PAAF1: variants seen among roughly 807,000 people sequenced by gnomAD.
PAAF1 encodes the protein proteasomal ATPase associated factor 1, also known as proteasomal ATPase-associated factor 1.
PAAF1 carries 46 observed loss-of-function variants against 52.8 expected under a neutral mutation model. The observed-to-expected ratio is 0.87, with a 90% CI of 0.69 to 1.11. PAAF1 has a LOEUF of 1.11. PAAF1 is among the 50% of genes most tolerant of loss of function. The probability of loss-of-function intolerance (pLI) is 0.00; values close to 1 mark genes in which losing one functional copy is unlikely to be tolerated. For missense variants in PAAF1, 424 were observed against 477.4 expected, an observed-to-expected ratio of 0.89 and a Z score of 1.04; for synonymous variants, 178 against 172.8, an observed-to-expected ratio of 1.03 and a Z score of -0.24.
intron 4 of PAAF1, among the ~76,000 whole-genome samples, chr11:73,894,047 C>G (rs918443673): frequency 6.6e-6 from 1 of 152,172 alleles, no homozygotes; most frequent in Non-Finnish European, 1.5e-5. Context: ...AAGCAGTCCT[C>G]TCTCCTTGGC....
chr11:73,907,952 G>A (rs868139991), intron 6 of PAAF1, among the ~76,000 whole-genome samples: 1 of 152,004 alleles, frequency 6.6e-6, no homozygotes, highest in Admixed American at 6.6e-5. Flanking sequence ...AGGACATGTG[G>A]GAGGCAATAA....
In PAAF1 at chr11:73,879,054, CTTAA is replaced by C. The variant is rs146429588; in HGVS notation, c.88+239_88+242del. 1,461 of 327,992 alleles carry C rather than the reference CTTAA, an allele frequency of 4.5e-3. 15 individuals carry two copies. The highest frequency in any genetic ancestry group is 0.024 in the African/African-American group (1,128 of 47,150). The allele number at this position is 327,992 out of a possible 1,614,324, so 20.3% of individuals were successfully genotyped here. On this transcript the variant is annotated intron_variant, in intron 2 of 11. Transcript: ENST00000310571. ...ATTCATGGAGACATTGTTGATGCAT[CTTAA>C]TTAGTCACTTACCCTGTGCTATTGT...
chr11:73,920,294 G>A (rs1950177952), intron 10 of PAAF1, among the ~76,000 whole-genome samples: 1 of 152,218 alleles, frequency 6.6e-6, no homozygotes, highest in African/African-American at 2.4e-5. Flanking sequence ...AGCATTTTGG[G>A]AGGCTGAGGC....
At chr11:73,923,913 AG>A (rs1950290539) in intron 10 of PAAF1, among the ~76,000 whole-genome samples, 1 of 151,842 alleles carries the variant, frequency 6.6e-6, no homozygotes, top group Admixed American at 6.6e-5. Context: ...ACATTTTAAT[AG>A]GGAATATCTA....
intron 4 of PAAF1, among the ~76,000 whole-genome samples, chr11:73,895,078 A>T (rs923977045): frequency 6.6e-6 from 1 of 152,226 alleles, no homozygotes; most frequent in African/African-American, 2.4e-5. Context: ...ATCACCTACT[A>T]TATTTCAGCC....
rs560531461 is a variant in PAAF1 at position 73,924,446 on chromosome 11, C to G, written c.1019-169C>G. Among the ~76,000 whole-genome samples the G allele has an allele frequency of 2.6e-5, 4 of 151,670 alleles. No homozygotes were observed. In the South Asian group the frequency reaches 8.3e-4, roughly 32 times the overall value. ...GGGCAAAAAGAACGAAACTCTGTCT[C>G]AAAAAACAAAAAAAAAGTTGGCCCA... On this transcript the variant is annotated intron_variant, in intron 10 of 11. Coordinates refer to ENST00000310571, the MANE Select transcript of PAAF1 (RefSeq NM_025155.3).
chr11:73,889,335 G>A, intron 3 of PAAF1: 2 of 778,996 alleles, frequency 2.6e-6, no homozygotes, highest in Non-Finnish European at 3.6e-6. Context: ...CTCTTAAACA[G>A]TAGATCTGTC....
intron 7 of PAAF1, among the ~76,000 whole-genome samples, chr11:73,909,918 A>C (rs1949882378): frequency 6.6e-6 from 1 of 152,172 alleles, no homozygotes; most frequent in East Asian, 1.9e-4. Flanking sequence ...AAAATACACA[A>C]CATTGATGAT....
At chr11:73,913,259 T>C (rs1275670037) in intron 7 of PAAF1, among the ~76,000 whole-genome samples, 1 of 151,770 alleles carries the variant, frequency 6.6e-6, no homozygotes, top group Admixed American at 6.6e-5. Context: ...CATTCAGGTC[T>C]TGCCATTCAG....
chr11:73,927,169 C>A (rs1005784590), intron 11 of PAAF1, 116 bp from the exon 12 acceptor site: 14 of 758,292 alleles, frequency 1.8e-5, no homozygotes, highest in Middle Eastern at 2.3e-4. Context: ...AATTCTGTTG[C>A]CTTCATAAAG....
chr11:73,926,424 C>T (rs900936957), intron 11 of PAAF1, among the ~76,000 whole-genome samples: 1 of 151,306 alleles, frequency 6.6e-6, no homozygotes, highest in South Asian at 2.2e-4. Context: ...AAAATTCTTG[C>T]GTAGTGTTCC....
chr11:73,915,564 C>T (rs537541517), intron 8 of PAAF1, among the ~76,000 whole-genome samples: 5 of 152,262 alleles, frequency 3.3e-5, no homozygotes, highest in East Asian at 1.9e-4. Flanking sequence ...GCCAAGATTG[C>T]GCCACTGTAC....
chr11:73,908,371 ATGTATATATATG>A, intron 6 of PAAF1, among the ~76,000 whole-genome samples: 1 of 141,972 alleles, frequency 7.0e-6, no homozygotes, highest in Non-Finnish European at 1.5e-5. Flanking sequence ...GTATATATAT[ATGTATATATATG>A]TGTGTATATA....
intron 4 of PAAF1, among the ~76,000 whole-genome samples, chr11:73,891,630 C>T (rs1203738764): frequency 6.6e-6 from 1 of 151,684 alleles, no homozygotes; most frequent in East Asian, 1.9e-4. Context: ...CAAAAATTAG[C>T]TGAGCGTGGT....
intron 8 of PAAF1, 21 bp from the exon 9 acceptor site, chr11:73,916,524 T>C (rs1282113474): frequency 6.5e-7 from 1 of 1,529,702 alleles, no homozygotes; most frequent in African/African-American, 1.4e-5. Context: ...AACAGCATTT[T>C]TGCCTCCTAC....
chr11:73,922,002 G>T, intron 10 of PAAF1: 2 of 820,750 alleles, frequency 2.4e-6, no homozygotes, highest in Non-Finnish European at 2.1e-6. Context: ...GGTCCTGTCA[G>T]CTTCATTCTT....
chr11:73,919,130 C>A, intron 10 of PAAF1, 98 bp downstream of exon 10: 3 of 1,027,828 alleles, frequency 2.9e-6, no homozygotes, highest in South Asian at 2.9e-5. Flanking sequence ...GGGGCATGGT[C>A]CCCCATGATT....
chr11:73,893,738 C>CAAAAAAAAAAAAAAAAA (rs564348245), intron 4 of PAAF1, among the ~76,000 whole-genome samples: 6 of 71,958 alleles, frequency 8.3e-5, no homozygotes, highest in African/African-American at 1.1e-4. Context: ...ACTCTGTCTC[C>CAAAAAAAAAAAAAAAAA]AAAAAAAAAA....
chr11:73,879,505 T>C (rs1347309047), intron 2 of PAAF1: 1 of 152,194 alleles, frequency 6.6e-6, no homozygotes, highest in Non-Finnish European at 1.5e-5. Flanking sequence ...CTAAATTCTG[T>C]AAGAAAGTTT....
Sources: allele counts gnomAD v4.1 joint callset (sites outside exome capture counted in the v4.1 genomes callset), GRCh38; gene constraint gnomAD v4.1.1; transcripts MANE v1.5; gene names NCBI Gene and HGNC (gene_info 2026-07-23, HGNC 2026-07-21).